The following BLOC1S5 variants were observed in gnomAD, a reference collection of about 807,000 sequenced individuals.
BLOC1S5 encodes the protein biogenesis of lysosomal organelles complex 1 subunit 5, also known as biogenesis of lysosome-related organelles complex 1 subunit 5.
Under a neutral mutation model 24.3 loss-of-function variants are expected in BLOC1S5, and 27 were observed. That is an observed-to-expected ratio of 1.11 (90% CI 0.82 to 1.53). BLOC1S5 has a LOEUF of 1.53. Among genes scored for constraint, BLOC1S5 ranks in the 40% most tolerant of loss-of-function variants. BLOC1S5 has a pLI of 0.00. For missense variants in BLOC1S5, 239 were observed against 229.4 expected (o/e 1.04, Z -0.27); for synonymous variants, 84 against 74.5 (o/e 1.13, Z -0.66).
intron 2 of BLOC1S5, among the ~76,000 whole-genome samples, chr6:8,062,302 T>A (rs1757288849): frequency 6.6e-6 from 1 of 152,116 alleles, no homozygotes; most frequent in Non-Finnish European, 1.5e-5. Flanking sequence ...AAACCTCAGA[T>A]CAACAGACAT....
intron 4 of BLOC1S5, among the ~76,000 whole-genome samples, chr6:8,017,262 T>C (rs180674304): frequency 6.6e-6 from 1 of 152,144 alleles, no homozygotes; most frequent in Non-Finnish European, 1.5e-5. Flanking sequence ...AACTGGGATA[T>C]GCAAACTAGA....
rs970350291 is a variant in BLOC1S5 at position 8,015,177 on chromosome 6, T to G, written c.*472A>C. 1.3e-5 allele frequency: 2 copies of G among 152,490 alleles called. No homozygotes were observed. Among genetic ancestry groups the G allele is most frequent in the Non-Finnish European group, 2.9e-5 (2 of 68,252 alleles). 9.4% of individuals were successfully genotyped at this position (152,490 alleles called of 1,614,324 possible). A position where few individuals can be genotyped will look rare whatever the true frequency, so the allele number is the denominator to read the frequency against. On this transcript the variant is annotated 3_prime_UTR_variant, in exon 5 of 5. Coordinates refer to ENST00000397457, the MANE Select transcript of BLOC1S5 (RefSeq NM_201280.3). ...TCTGCTCCAAGGACAGCTGGCTTTT[T>G]TTTTTGTCTACATTACTCATGCAGT...
At chr6:8,047,160 T>TCTCTCTCTCACA (rs1475934039) in intron 2 of BLOC1S5, among the ~76,000 whole-genome samples, 1 of 126,946 alleles carries the variant, frequency 7.9e-6, no homozygotes. Flanking sequence ...TCTCTCTCTC[T>TCTCTCTCTCACA]CACACACACA....
At chr6:8,028,590 C>T (rs907458987) in intron 3 of BLOC1S5, among the ~76,000 whole-genome samples, 1 of 152,154 alleles carries the variant, frequency 6.6e-6, no homozygotes, top group African/African-American at 2.4e-5. Flanking sequence ...CTGCCACTTA[C>T]TTTGTCATCT....
At chr6:8,022,391 G>A (rs1038393175) in intron 4 of BLOC1S5, among the ~76,000 whole-genome samples, 1 of 151,396 alleles carries the variant, frequency 6.6e-6, no homozygotes, top group Non-Finnish European at 1.5e-5. Context: ...CCCAACTAAG[G>A]TGTAAAAGGT....
chr6:8,019,074 A>G (rs202155901), intron 4 of BLOC1S5, among the ~76,000 whole-genome samples: 1 of 150,978 alleles, frequency 6.6e-6, no homozygotes, highest in Non-Finnish European at 1.5e-5. Context: ...AAAGACAAAC[A>G]TATTCAAGTA....
chr6:8,051,730 G>T (rs566671950), intron 2 of BLOC1S5, among the ~76,000 whole-genome samples: 1 of 152,144 alleles, frequency 6.6e-6, no homozygotes, highest in African/African-American at 2.4e-5. Flanking sequence ...AAATCCTAGG[G>T]TCATAAAGAA....
intron 4 of BLOC1S5, among the ~76,000 whole-genome samples, chr6:8,016,621 T>C (rs9392946): frequency 0.16 from 23,725 of 151,808 alleles, 1,902 homozygotes; most frequent in Admixed American, 0.19. Context: ...AATCCCAGCA[T>C]TTTGGGAAGC....
At chr6:8,057,954 T>C (rs982441425) in intron 2 of BLOC1S5, among the ~76,000 whole-genome samples, 3 of 152,214 alleles carry the variant, frequency 2.0e-5, no homozygotes, top group African/African-American at 7.2e-5. Context: ...CTCAAGTCTT[T>C]CGTGCTTATA....
At chr6:8,022,841 C>T (rs1232569671) in intron 4 of BLOC1S5, among the ~76,000 whole-genome samples, 1 of 140,904 alleles carries the variant, frequency 7.1e-6, no homozygotes, top group East Asian at 1.9e-4. Context: ...GCCTCGGCCT[C>T]CCAAAGTGCT....
intron 4 of BLOC1S5, among the ~76,000 whole-genome samples, chr6:8,025,708 C>G (rs548067213): frequency 6.6e-6 from 1 of 152,168 alleles, no homozygotes; most frequent in South Asian, 2.1e-4. Flanking sequence ...TGTCGATACA[C>G]ACACATACAA....
At chr6:8,051,969 CTTTTTT>C (rs770301308) in intron 2 of BLOC1S5, among the ~76,000 whole-genome samples, 83 of 110,036 alleles carry the variant, frequency 7.5e-4, no homozygotes, top group African/African-American at 2.6e-3. Context: ...ACATCCATGC[CTTTTTT>C]TTTTTTTTTT....
intron 3 of BLOC1S5, among the ~76,000 whole-genome samples, chr6:8,036,762 G>C (rs1763503564): frequency 6.6e-6 from 1 of 151,960 alleles, no homozygotes; most frequent in South Asian, 2.1e-4. Context: ...GAATGTAAAG[G>C]CAAAAATCCT....
intron 2 of BLOC1S5, among the ~76,000 whole-genome samples, chr6:8,050,968 T>G (rs1391006389): frequency 6.6e-6 from 1 of 151,212 alleles, no homozygotes; most frequent in South Asian, 2.1e-4. Flanking sequence ...GGTGGGCAGA[T>G]CACAAGGTCA....
chr6:8,029,175 T>A (rs539107826), intron 3 of BLOC1S5, among the ~76,000 whole-genome samples: 1 of 152,248 alleles, frequency 6.6e-6, no homozygotes, highest in South Asian at 2.1e-4. Context: ...AATGCGGATA[T>A]AGAAGCGAGC....
intron 3 of BLOC1S5, among the ~76,000 whole-genome samples, chr6:8,037,864 C>G (rs903347708): frequency 6.6e-6 from 1 of 152,140 alleles, no homozygotes; most frequent in African/African-American, 2.4e-5. Flanking sequence ...GCACCAAGAA[C>G]ATACAATGGG....
rs201957709 is a variant in BLOC1S5, at chr6:8,035,358, T to A, written c.325+5781A>T. ...AGGAATAAAAATCTTTTTTTTTTTT[T>A]TAAAAAAAAGGCATAGAGTGGCTGA... On this transcript the variant is annotated intron_variant, in intron 3 of 4. Coordinates refer to ENST00000397457, the MANE Select transcript of BLOC1S5 (RefSeq NM_201280.3). Among the ~76,000 whole-genome samples, 1,026 of 135,674 alleles carry A rather than the reference T, an allele frequency of 7.6e-3. 6 individuals are homozygous for A. Among genetic ancestry groups the A allele is most frequent in the East Asian group, 0.041 (199 of 4,842 alleles). 89.0% of individuals were successfully genotyped at this position (135,674 alleles called of 152,430 possible).
At chr6:8,033,911 A>T (rs1763390862) in intron 3 of BLOC1S5, among the ~76,000 whole-genome samples, 1 of 152,226 alleles carries the variant, frequency 6.6e-6, no homozygotes, top group Non-Finnish European at 1.5e-5. Context: ...AAGAAATGCA[A>T]ATCAAAACCA....
chr6:8,051,945 T>G (rs905266855), intron 2 of BLOC1S5, among the ~76,000 whole-genome samples: 1 of 151,546 alleles, frequency 6.6e-6, no homozygotes, highest in African/African-American at 2.4e-5. Context: ...GTTGTTATTA[T>G]GTCTGCTGAT....
Sources: allele counts gnomAD v4.1 joint callset (sites outside exome capture counted in the v4.1 genomes callset), GRCh38; gene constraint gnomAD v4.1.1; transcripts MANE v1.5; gene names NCBI Gene and HGNC (gene_info 2026-07-23, HGNC 2026-07-21).